PAQR3: variants seen among roughly 807,000 people sequenced by gnomAD.
PAQR3 encodes the protein Raf kinase trapping to Golgi.
In PAQR3, 39 loss-of-function variants were observed where a neutral mutation model predicts 41.7. The observed-to-expected ratio is 0.93, with a 90% confidence interval of 0.72 to 1.22. The LOEUF (loss-of-function observed/expected upper bound fraction) is 1.22. PAQR3 is among the 50% of genes most tolerant of loss of function. PAQR3 has a pLI of 0.00. For missense variants in PAQR3, 366 were observed against 385.6 expected, an observed-to-expected ratio of 0.95 and a Z score of 0.42; for synonymous variants, 140 against 140.6, an observed-to-expected ratio of 1.00 and a Z score of 0.03.
chr4:78,935,014 T>G, intron 2 of PAQR3, 107 bp downstream of exon 2: 1 of 953,324 alleles, frequency 1.0e-6, no homozygotes, highest in Non-Finnish European at 1.6e-6. Flanking sequence ...AACATGCCAT[T>G]CCGGGGCTCT....
At chr4:78,908,850 C>T (rs1439275017), downstream of PAQR3, among the ~76,000 whole-genome samples, 1 of 152,048 alleles carries the variant, frequency 6.6e-6, no homozygotes, top group African/African-American at 2.4e-5. Flanking sequence ...ATAATAATCA[C>T]ATCAGGGTAA....
intron 3 of PAQR3, among the ~76,000 whole-genome samples, chr4:78,928,119 T>G (rs1736434020): frequency 6.6e-6 from 1 of 152,192 alleles, no homozygotes; most frequent in South Asian, 2.1e-4. Context: ...GGTAAGAGAT[T>G]TACAAAAAGT....
intron 1 of PAQR3, among the ~76,000 whole-genome samples, chr4:78,936,880 C>T (rs1460580863): frequency 6.6e-6 from 1 of 152,182 alleles, no homozygotes; most frequent in Non-Finnish European, 1.5e-5. Flanking sequence ...CCTCAGATTA[C>T]ATCCAAAATC....
chr4:78,897,450 A>G (rs891802423), intron 11 of PAQR3, among the ~76,000 whole-genome samples: 22 of 152,154 alleles, frequency 1.4e-4, no homozygotes, highest in Middle Eastern at 3.2e-3. Flanking sequence ...ATTGAATTAA[A>G]AATTTATAAT....
intron 11 of PAQR3, among the ~76,000 whole-genome samples, chr4:78,903,038 T>C (rs1298799322): frequency 6.6e-6 from 1 of 152,036 alleles, no homozygotes; most frequent in African/African-American, 2.4e-5. Context: ...AACTTTTGAG[T>C]TTAGAATCCT....
downstream of PAQR3, chr4:78,911,834 A>G (rs1457503433): frequency 1.2e-6 from 2 of 1,613,974 alleles, no homozygotes; most frequent in Middle Eastern, 1.6e-4. Context: ...GCTGATCACA[A>G]TACTGTCCTG....
chr4:78,902,499 G>A (rs1734060068), intron 11 of PAQR3, among the ~76,000 whole-genome samples: 1 of 149,450 alleles, frequency 6.7e-6, no homozygotes, highest in African/African-American at 2.6e-5. Flanking sequence ...GTAAATTGCT[G>A]GGAGATGATG....
Position 78,937,369 on chromosome 4 carries a change from C to T in PAQR3, c.185+1671G>A, listed in dbSNP as rs143114486. 5.1e-3 allele frequency among the ~76,000 whole-genome samples: 782 copies of T among 152,348 alleles called. 5 individuals carry two copies. Among genetic ancestry groups the T allele is most frequent in the Non-Finnish European group, 8.0e-3 (545 of 68,028 alleles). ...CTCTGTAAATTACCCTAGTAAAACC[C>T]TATGTCTTGTTTACTGGCTTTGGGT... On this transcript the variant is annotated intron_variant, in intron 1 of 5. Coordinates refer to ENST00000512733, the MANE Select transcript of PAQR3 (RefSeq NM_001040202.2).
downstream of PAQR3, chr4:78,911,800 C>T (rs2110111516): frequency 1.2e-6 from 2 of 1,613,980 alleles, no homozygotes; most frequent in South Asian, 1.1e-5. Flanking sequence ...GCACCCTCCA[C>T]ATCAGGGCCT....
intron 11 of PAQR3, among the ~76,000 whole-genome samples, chr4:78,893,630 A>G (rs1415805323): frequency 2.6e-5 from 4 of 152,194 alleles, no homozygotes; most frequent in African/African-American, 9.7e-5. Flanking sequence ...TGGCATGGTC[A>G]TAACTCACTA....
At position 78,926,729 on chromosome 4, in the gene PAQR3, A is replaced by G. The variant is rs1736279926; in HGVS notation, c.505-11T>C. On this transcript the variant is annotated splice_polypyrimidine_tract_variant and intron_variant, in intron 3 of 5. Coordinates refer to ENST00000512733, the MANE Select transcript of PAQR3 (RefSeq NM_001040202.2). ...CACCTGACGCCAGTACTAGAATGAA[A>G]GGAAATCACATTTTAATTCTGTTAT... The G allele has an allele frequency of 1.2e-6, 2 of 1,608,764 alleles. No individual in the cohort carries two copies.
downstream of PAQR3, chr4:78,911,531 A>G: frequency 1.2e-6 from 2 of 1,614,056 alleles, no homozygotes; most frequent in Non-Finnish European, 8.5e-7. Context: ...AGTAATGGGA[A>G]GCGGCATCAT....
chr4:78,932,307 T>C (rs1331730935), intron 2 of PAQR3, among the ~76,000 whole-genome samples: 2 of 152,168 alleles, frequency 1.3e-5, no homozygotes, highest in Non-Finnish European at 2.9e-5. Context: ...TCAAAGAAGT[T>C]TGGTTATTTG....
In PAQR3 at chr4:78,919,412, T is replaced by C; in HGVS notation, c.*1127A>G. On this transcript the variant is annotated 3_prime_UTR_variant, in exon 6 of 6. Transcript: ENST00000512733. ...TGTATGATAGGGCAGTGAGTTCTAT[T>C]TTTTAAGTATATACAATAAAAAGAA... is the stretch of plus-strand genomic sequence containing the variant. 4 of 984,632 alleles carry C rather than the reference T, an allele frequency of 4.1e-6. No individual in the cohort carries two copies. The highest frequency in any genetic ancestry group is 4.8e-6 in the Non-Finnish European group (4 of 829,304). The allele number at this position is 984,632 out of a possible 1,614,324, so 61.0% of individuals were successfully genotyped here.
intron 11 of PAQR3, among the ~76,000 whole-genome samples, chr4:78,891,356 TC>T (rs1203583418): frequency 6.6e-6 from 1 of 152,324 alleles, no homozygotes; most frequent in East Asian, 1.9e-4. Context: ...TTCTGAATAT[TC>T]AAGATGTTGT....
intron 12 of PAQR3, chr4:78,887,454 A>G (rs1216685356): frequency 5.0e-6 from 3 of 594,374 alleles, no homozygotes; most frequent in Non-Finnish European, 2.9e-6. Context: ...GCATTGAGTT[A>G]TTATTCAGTT....
At chr4:78,907,569 A>G (rs1734348958), downstream of PAQR3, among the ~76,000 whole-genome samples, 1 of 152,210 alleles carries the variant, frequency 6.6e-6, no homozygotes, top group African/African-American at 2.4e-5. Context: ...AGTTGGTTTT[A>G]AAGGTTAACA....
chr4:78,907,862 A>G (rs1485192960), downstream of PAQR3, among the ~76,000 whole-genome samples: 1 of 152,106 alleles, frequency 6.6e-6, no homozygotes, highest in East Asian at 1.9e-4. Flanking sequence ...GTGAGGTGTG[A>G]ATGTTGTGGC....
At chr4:78,898,657 CAA>C (rs76934935) in intron 11 of PAQR3, among the ~76,000 whole-genome samples, 10 of 121,168 alleles carry the variant, frequency 8.3e-5, no homozygotes, top group Admixed American at 8.4e-5. Flanking sequence ...GACTCCATCT[CAA>C]AAAAAAAAAA....
Sources: allele counts gnomAD v4.1 joint callset (sites outside exome capture counted in the v4.1 genomes callset), GRCh38; gene constraint gnomAD v4.1.1; transcripts MANE v1.5; gene names NCBI Gene and HGNC (gene_info 2026-07-23, HGNC 2026-07-21).